ZNF385D: variants seen among roughly 807,000 people sequenced by gnomAD.
The protein encoded by ZNF385D is zinc finger protein 659.
ZNF385D carries 15 observed loss-of-function variants against 35.8 expected under a neutral mutation model. The observed-to-expected ratio is 0.42, with a 90% CI of 0.28 to 0.64. ZNF385D has a LOEUF of 0.64. ZNF385D is among the 30% of genes least tolerant of loss of function. The pLI, the probability that ZNF385D is intolerant of heterozygous loss-of-function variation, is 0.23. For synonymous variants in ZNF385D, 212 were observed against 186.8 expected (o/e 1.13, Z -1.10); for missense variants, 474 against 494.6 (o/e 0.96, Z 0.39).
intron 2 of ZNF385D, among the ~76,000 whole-genome samples, chr3:21,581,622 G>T (rs1322618775): frequency 6.6e-6 from 1 of 152,176 alleles, no homozygotes; most frequent in Non-Finnish European, 1.5e-5. Flanking sequence ...GCTGGTCCAA[G>T]ATATAATTCT....
chr3:21,806,229 G>A (rs1438970264), intron 3 of ZNF385D, among the ~76,000 whole-genome samples: 3 of 150,198 alleles, frequency 2.0e-5, no homozygotes, highest in Non-Finnish European at 4.4e-5. Flanking sequence ...TTTGTGAGGG[G>A]GCAGGGGGAG....
chr3:21,582,801 G>A (rs1049159541), intron 2 of ZNF385D, among the ~76,000 whole-genome samples: 7 of 151,406 alleles, frequency 4.6e-5, no homozygotes, highest in Non-Finnish European at 5.9e-5. Context: ...CCTTTGAGAT[G>A]GAGTCTCGCT....
At chr3:22,085,748 TAA>T in intron 3 of ZNF385D, among the ~76,000 whole-genome samples, 1 of 151,966 alleles carries the variant, frequency 6.6e-6, no homozygotes, top group East Asian at 1.9e-4. Context: ...AGAGACACAA[TAA>T]AAAAAGAAAC....
intron 3 of ZNF385D, among the ~76,000 whole-genome samples, chr3:22,129,025 C>A (rs73142975): frequency 0.021 from 3,241 of 152,236 alleles, 115 homozygotes; most frequent in African/African-American, 0.075. Context: ...TTGGTCACTG[C>A]AGCCATATGG....
chr3:21,894,262 A>G (rs1192039707), intron 3 of ZNF385D, among the ~76,000 whole-genome samples: 1 of 152,170 alleles, frequency 6.6e-6, no homozygotes, highest in Non-Finnish European at 1.5e-5. Context: ...TTAATAATCC[A>G]CTGTCACAAA....
intron 4 of ZNF385D, among the ~76,000 whole-genome samples, chr3:21,453,168 C>CA (rs3860574): frequency 0.043 from 6,204 of 143,420 alleles, 410 homozygotes; most frequent in African/African-American, 0.15. Context: ...CATACACATG[C>CA]AAAAAAAAAA....
chr3:22,043,151 G>C (rs928986218), intron 3 of ZNF385D, among the ~76,000 whole-genome samples: 2 of 152,134 alleles, frequency 1.3e-5, no homozygotes, highest in Admixed American at 6.6e-5. Flanking sequence ...AAGTCCTTTG[G>C]GTTATTTATC....
At chr3:22,118,596 T>A (rs1057255448) in intron 3 of ZNF385D, among the ~76,000 whole-genome samples, 11 of 151,874 alleles carry the variant, frequency 7.2e-5, no homozygotes, top group African/African-American at 2.7e-4. Context: ...GCAATTCAAC[T>A]TTTTTTTCCC....
intron 2 of ZNF385D, among the ~76,000 whole-genome samples, chr3:22,307,010 A>G (rs910052835): frequency 2.6e-5 from 4 of 152,188 alleles, no homozygotes; most frequent in Non-Finnish European, 2.9e-5. Context: ...ATAATACCCC[A>G]TTGATGGCTC....
chr3:22,225,503 G>A (rs533671978), intron 2 of ZNF385D, among the ~76,000 whole-genome samples: 10 of 152,216 alleles, frequency 6.6e-5, no homozygotes, highest in South Asian at 2.1e-4. Flanking sequence ...ATAAATATCC[G>A]TTAGTATGGA....
At chr3:21,721,856 T>A (rs1350424064) in intron 1 of ZNF385D, among the ~76,000 whole-genome samples, 9 of 152,064 alleles carry the variant, frequency 5.9e-5, no homozygotes, top group Non-Finnish European at 8.8e-5. Flanking sequence ...TCCCAGCACT[T>A]TGGGAGGCCC....
At chr3:22,081,372 C>T (rs1334694928) in intron 3 of ZNF385D, among the ~76,000 whole-genome samples, 1 of 152,166 alleles carries the variant, frequency 6.6e-6, no homozygotes, top group Non-Finnish European at 1.5e-5. Flanking sequence ...GCTCAGCCTC[C>T]ATGTCCTAAA....
At chr3:21,912,041 C>T (rs13324522) in intron 3 of ZNF385D, among the ~76,000 whole-genome samples, 2,600 of 151,848 alleles carry the variant, frequency 0.017, 76 homozygotes, top group African/African-American at 0.058. Flanking sequence ...CAAAATTAAC[C>T]TAATTTCTTG....
chr3:22,289,115 T>C (rs1388549), intron 2 of ZNF385D, among the ~76,000 whole-genome samples: 55,642 of 152,022 alleles, frequency 0.37, 10,489 homozygotes, highest in Non-Finnish European at 0.41. Flanking sequence ...TCTCACCTTC[T>C]CTACACTAAG....
chr3:21,953,810 T>C (rs1489881496), intron 3 of ZNF385D, among the ~76,000 whole-genome samples: 2 of 151,946 alleles, frequency 1.3e-5, no homozygotes, highest in Non-Finnish European at 2.9e-5. Flanking sequence ...GTTTGGAAAT[T>C]AGAGAAAAAT....
At chr3:22,296,658 C>T (rs1372951484) in intron 2 of ZNF385D, among the ~76,000 whole-genome samples, 1 of 152,082 alleles carries the variant, frequency 6.6e-6, no homozygotes, top group Admixed American at 6.6e-5. Flanking sequence ...TAGTGGTTTT[C>T]ACTTGACTGC....
chr3:21,913,594 C>A (rs1700066164), intron 3 of ZNF385D, among the ~76,000 whole-genome samples: 1 of 152,034 alleles, frequency 6.6e-6, no homozygotes, highest in Non-Finnish European at 1.5e-5. Context: ...CTCTGGGAAG[C>A]TGCTACATCA....
chr3:21,768,394 A>G (rs1353275534), intron 3 of ZNF385D, among the ~76,000 whole-genome samples: 1 of 152,066 alleles, frequency 6.6e-6, no homozygotes, highest in Non-Finnish European at 1.5e-5. Context: ...AAGCACCAGG[A>G]GTCTCTTTCC....
At chr3:21,455,870 A>G (rs1702774477) in intron 4 of ZNF385D, among the ~76,000 whole-genome samples, 2 of 151,786 alleles carry the variant, frequency 1.3e-5, no homozygotes, top group African/African-American at 2.4e-5. Flanking sequence ...CAGAATCTAC[A>G]ATGAACTCAA....
Sources: allele counts gnomAD v4.1 joint callset (sites outside exome capture counted in the v4.1 genomes callset), GRCh38; gene constraint gnomAD v4.1.1; transcripts MANE v1.5; gene names NCBI Gene and HGNC (gene_info 2026-07-23, HGNC 2026-07-21).